ZNF420: variants seen among roughly 807,000 people sequenced by gnomAD.
ZNF420 encodes zinc finger protein 420.
ZNF420 carries 31 observed loss-of-function variants against 44.7 expected under a neutral mutation model. That is an observed-to-expected ratio of 0.69 (90% confidence interval 0.52 to 0.94). ZNF420 has a LOEUF of 0.94. Among genes scored for constraint, ZNF420 ranks in the 40% least tolerant of loss-of-function variants. The probability of loss-of-function intolerance (pLI) is 0.00; values close to 1 mark genes in which losing one functional copy is unlikely to be tolerated. For synonymous variants in ZNF420, 245 were observed against 267.4 expected, an observed-to-expected ratio of 0.92 and a Z score of 0.82; for missense variants, 681 against 827.9, an observed-to-expected ratio of 0.82 and a Z score of 2.18.
At chr19:37,069,660 A>G (rs1168493860) in intron 1 of ZNF420, among the ~76,000 whole-genome samples, 1 of 152,136 alleles carries the variant, frequency 6.6e-6, no homozygotes, top group African/African-American at 2.4e-5. Flanking sequence ...AGTGAAAAAC[A>G]GTATTGTCGT....
intron 1 of ZNF420, among the ~76,000 whole-genome samples, chr19:37,064,889 G>A (rs978600015): frequency 2.0e-5 from 3 of 152,198 alleles, no homozygotes; most frequent in Non-Finnish European, 4.4e-5. Context: ...TCAAAGGATT[G>A]AGAAAAAGAC....
In ZNF420 at chr19:37,127,379, T is replaced by C; in HGVS notation, c.388T>C (p.Ser130Pro). The change falls in exon 5 of 5, where the codon TCA (serine) becomes CCA (proline). Residue 130 changes from serine to proline, a missense_variant. By Grantham distance (74) the Ser-to-Pro change is moderately conservative. This residue lies in a region of ZNF420 where 350 missense variants were observed against 382.5 expected (regional missense o/e 0.92). Transcript: ENST00000337995. ...CCAGCATACTTACTTATCTCAACAT[T>C]CAAGATGTCATTCTACTGAGAAACC... ...FNQHTYLSQHSRCHSTEKPYK... is the reference protein window; with the variant it reads ...FNQHTYLSQHPRCHSTEKPYK... The C allele has an allele frequency of 1.2e-6, 2 of 1,613,638 alleles. No individual in the cohort carries two copies. The highest frequency in any genetic ancestry group is 1.7e-6 in the Non-Finnish European group (2 of 1,179,650).
At chr19:37,025,085 G>T in intron 1 of ZNF420, 1 of 272,126 alleles carries the variant, frequency 3.7e-6, no homozygotes, top group South Asian at 7.9e-5. Flanking sequence ...TATTGATGTT[G>T]ACTAAGTCAT....
At chr19:37,045,507 T>A (rs1967527640) in intron 1 of ZNF420, among the ~76,000 whole-genome samples, 1 of 152,228 alleles carries the variant, frequency 6.6e-6, no homozygotes, top group African/African-American at 2.4e-5. Flanking sequence ...AGTGGATTTG[T>A]TAAAGGCATT....
At chr19:37,070,279 AAG>A (rs1337547916) in intron 1 of ZNF420, among the ~76,000 whole-genome samples, 3 of 152,156 alleles carry the variant, frequency 2.0e-5, no homozygotes, top group African/African-American at 7.2e-5. Flanking sequence ...GATGAATTCT[AAG>A]AGATTTTATA....
intron 4 of ZNF420, among the ~76,000 whole-genome samples, chr19:37,117,077 G>A (rs1284623167): frequency 2.0e-5 from 3 of 152,298 alleles, no homozygotes; most frequent in Non-Finnish European, 2.9e-5. Context: ...AGACTTAAAC[G>A]TCCCTGTCTG....
intron 4 of ZNF420, among the ~76,000 whole-genome samples, chr19:37,122,361 G>A (rs1971095753): frequency 6.6e-6 from 1 of 151,714 alleles, no homozygotes; most frequent in African/African-American, 2.4e-5. Flanking sequence ...ACTATCTCAA[G>A]GACAGAAAAC....
At chr19:37,090,076 C>G (rs1969045226) in intron 3 of ZNF420, among the ~76,000 whole-genome samples, 1 of 152,068 alleles carries the variant, frequency 6.6e-6, no homozygotes, top group Non-Finnish European at 1.5e-5. Context: ...GAGAAACTTA[C>G]ATTTATTGAG....
upstream of ZNF420, among the ~76,000 whole-genome samples, chr19:37,076,769 A>G (rs1393525416): frequency 6.6e-6 from 1 of 152,144 alleles, no homozygotes; most frequent in Non-Finnish European, 1.5e-5. Context: ...AATCCAGTCT[A>G]TCATTGATGG....
chr19:37,061,941 A>G (rs531171570), intron 1 of ZNF420, among the ~76,000 whole-genome samples: 1 of 152,036 alleles, frequency 6.6e-6, no homozygotes, highest in Non-Finnish European at 1.5e-5. Context: ...CAACTTAACA[A>G]CTCTTTAATT....
intron 1 of ZNF420, among the ~76,000 whole-genome samples, chr19:37,050,949 A>C (rs1237365319): frequency 6.6e-6 from 1 of 152,006 alleles, no homozygotes; most frequent in Non-Finnish European, 1.5e-5. Flanking sequence ...GAATTTTGTC[A>C]AAGGCCTTTT....
At chr19:37,028,878 C>T (rs1254751134) in intron 1 of ZNF420, among the ~76,000 whole-genome samples, 4 of 152,300 alleles carry the variant, frequency 2.6e-5, no homozygotes, top group African/African-American at 9.6e-5. Context: ...TCGGATTTTG[C>T]TCTTGAACTT....
chr19:37,056,413 ACACT>A (rs1406136556), intron 1 of ZNF420, among the ~76,000 whole-genome samples: 1 of 151,980 alleles, frequency 6.6e-6, no homozygotes, highest in East Asian at 1.9e-4. Context: ...TCGGTGACAC[ACACT>A]CACCCCATCT....
chr19:37,104,235 G>T (rs1457564895), intron 4 of ZNF420, among the ~76,000 whole-genome samples: 1 of 150,916 alleles, frequency 6.6e-6, no homozygotes, highest in Non-Finnish European at 1.5e-5. Context: ...AGAACATGTG[G>T]TGTTTGTTTT....
chr19:37,091,181 G>C, intron 4 of ZNF420, 60 bp downstream of exon 4: 1 of 1,436,668 alleles, frequency 7.0e-7, no homozygotes, highest in East Asian at 2.6e-5. Flanking sequence ...TTTCTCTGCT[G>C]TTATTTCAAA....
At chr19:37,099,840 G>A (rs1385697004) in intron 4 of ZNF420, among the ~76,000 whole-genome samples, 2 of 152,104 alleles carry the variant, frequency 1.3e-5, no homozygotes, top group Non-Finnish European at 2.9e-5. Flanking sequence ...AGCCAGGATG[G>A]TCTCAGTCTC....
At chr19:37,066,938 G>A (rs990372772) in intron 1 of ZNF420, among the ~76,000 whole-genome samples, 3 of 152,094 alleles carry the variant, frequency 2.0e-5, no homozygotes, top group African/African-American at 7.2e-5. Flanking sequence ...ATCATAGAGT[G>A]GAATACAACT....
chr19:37,012,730 T>TG lies in ZNF420; in HGVS notation c.-125+4655dup, dbSNP rs933149994. ...GAGCCCCGCAGCCTCAGGGGTTGCCTGGGGGGGTGTGCTTCTGTGCCACTG... is the reference window on the plus strand; with the variant it reads ...GAGCCCCGCAGCCTCAGGGGTTGCCTGGGGGGGGTGTGCTTCTGTGCCACTG... On this transcript the variant is annotated intron_variant, in intron 1 of 4. Transcript: ENST00000587029. 4.5e-4 allele frequency among the ~76,000 whole-genome samples: 68 copies of TG among 150,618 alleles called. 2 individuals carry two copies. The highest frequency in any genetic ancestry group is 3.3e-4 in the Admixed American group (5 of 15,104).
intron 1 of ZNF420, among the ~76,000 whole-genome samples, chr19:37,013,088 C>T (rs1164116425): frequency 1.3e-5 from 2 of 152,034 alleles, no homozygotes; most frequent in African/African-American, 2.4e-5. Context: ...TTGAATTCTC[C>T]TCCCCATCCT....
Sources: gnomAD v4.1 joint callset for allele counts (sites outside exome capture counted in the v4.1 genomes callset) on GRCh38, gnomAD v4.1.1 for gene constraint, gnomAD v4.1.1 regional missense constraint, MANE v1.5 for transcripts, NCBI Gene and HGNC (gene_info 2026-07-23, HGNC 2026-07-21) for gene names.